Variants in PTPRT observed in about 807,000 individuals in gnomAD.
PTPRT encodes the protein protein tyrosine phosphatase receptor type T.
Under a neutral mutation model 176.8 loss-of-function variants are expected in PTPRT, and 56 were observed. The ratio of observed to expected loss-of-function variants is 0.32; its 90% CI spans 0.26 to 0.40. The LOEUF (loss-of-function observed/expected upper bound fraction) is 0.40, where lower values mean the gene tolerates loss of function less well. PTPRT is among the 10% of genes least tolerant of loss of function. The pLI is 1.00. For synonymous variants in PTPRT, 783 were observed against 739.0 expected, an observed-to-expected ratio of 1.06 and a Z score of -0.96; for missense variants, 1,540 against 1,908.2, an observed-to-expected ratio of 0.81 and a Z score of 3.60.
intron 2 of PTPRT, among the ~76,000 whole-genome samples, chr20:42,811,391 T>C (rs1235529179): frequency 6.6e-6 from 1 of 152,176 alleles, no homozygotes; most frequent in Non-Finnish European, 1.5e-5. Flanking sequence ...TTTAAGTTTT[T>C]TTTTAACACT....
At chr20:42,621,416 G>A (rs539046687) in intron 7 of PTPRT, among the ~76,000 whole-genome samples, 31 of 152,294 alleles carry the variant, frequency 2.0e-4, no homozygotes, top group African/African-American at 7.2e-4. Flanking sequence ...TTCATCAAAA[G>A]AGAAAAATAA....
At chr20:42,319,358 T>C (rs988454272) in intron 11 of PTPRT, among the ~76,000 whole-genome samples, 1 of 151,748 alleles carries the variant, frequency 6.6e-6, no homozygotes, top group African/African-American at 2.4e-5. Context: ...CATCCTAAAC[T>C]GCTTAGCTCT....
chr20:43,094,117 C>A (rs1206662809), intron 1 of PTPRT, among the ~76,000 whole-genome samples: 1 of 132,612 alleles, frequency 7.5e-6, no homozygotes, highest in East Asian at 2.2e-4. Context: ...TTGACGGAGT[C>A]TTGCCCTGTC....
intron 26 of PTPRT, 31 bp from the exon 27 acceptor site, chr20:42,098,583 T>C (rs1985533877): frequency 6.2e-7 from 1 of 1,613,108 alleles, no homozygotes; most frequent in Non-Finnish European, 8.5e-7. Flanking sequence ...GCTTCGTAAA[T>C]TACACATCCA....
chr20:43,151,015 G>A (rs2014331933), intron 1 of PTPRT, among the ~76,000 whole-genome samples: 3 of 152,038 alleles, frequency 2.0e-5, no homozygotes, highest in Admixed American at 6.6e-5. Context: ...GGTAAAAAAT[G>A]GCATAGACTG....
At chr20:42,787,231 T>C (rs1432074586) in intron 3 of PTPRT, among the ~76,000 whole-genome samples, 1 of 152,202 alleles carries the variant, frequency 6.6e-6, no homozygotes, top group African/African-American at 2.4e-5. Context: ...GAAGACTATA[T>C]AATTTATCAC....
At chr20:42,726,095 T>TATTATA (rs1412280762) in intron 6 of PTPRT, among the ~76,000 whole-genome samples, 2 of 142,378 alleles carry the variant, frequency 1.4e-5, no homozygotes, top group Non-Finnish European at 3.1e-5. Flanking sequence ...TTATTATTAT[T>TATTATA]ATAGACTGAG....
At chr20:42,414,765 T>G (rs923635391) in intron 9 of PTPRT, among the ~76,000 whole-genome samples, 3 of 152,202 alleles carry the variant, frequency 2.0e-5, no homozygotes, top group African/African-American at 7.2e-5. Flanking sequence ...AAAGATTTTA[T>G]GAAGTCAGAA....
At chr20:42,849,484 TTC>T (rs2078433365) in intron 2 of PTPRT, among the ~76,000 whole-genome samples, 1 of 152,318 alleles carries the variant, frequency 6.6e-6, no homozygotes, top group South Asian at 2.1e-4. Flanking sequence ...GTCCAGTGGT[TTC>T]TTTTTCCCAA....
At chr20:42,911,040 GA>G (rs1427366234) in intron 1 of PTPRT, among the ~76,000 whole-genome samples, 2 of 152,088 alleles carry the variant, frequency 1.3e-5, no homozygotes, top group African/African-American at 4.8e-5. Flanking sequence ...CAGCATGGGG[GA>G]AACTGCCCCC....
intron 1 of PTPRT, among the ~76,000 whole-genome samples, chr20:43,069,547 C>T (rs1030113560): frequency 2.0e-5 from 3 of 152,248 alleles, no homozygotes; most frequent in South Asian, 2.1e-4. Flanking sequence ...CCTGATCTAT[C>T]CTTTATAATA....
chr20:42,687,810 T>C (rs2075723964), intron 6 of PTPRT: 1 of 152,204 alleles, frequency 6.6e-6, no homozygotes, highest in South Asian at 2.1e-4. Flanking sequence ...ACCACGTCTG[T>C]ACACCCACAG....
At chr20:43,171,421 AG>A (rs1159688373) in intron 1 of PTPRT, among the ~76,000 whole-genome samples, 1 of 152,236 alleles carries the variant, frequency 6.6e-6, no homozygotes, top group African/African-American at 2.4e-5. Context: ...AAATTCCAGT[AG>A]AAAAAAGTCA....
the PTPRT span, among the ~76,000 whole-genome samples, chr20:42,035,780 TC>T: frequency 2.0e-5 from 3 of 152,204 alleles, no homozygotes; most frequent in African/African-American, 7.2e-5. Context: ...TAGACTGTGG[TC>T]ATTTCTGGCA....
chr20:42,507,395 G>A (rs1048735040), intron 7 of PTPRT, among the ~76,000 whole-genome samples: 1 of 151,956 alleles, frequency 6.6e-6, no homozygotes, highest in African/African-American at 2.4e-5. Context: ...ACACTCACAC[G>A]GATGCACCCA....
rs1202061733 is a variant in PTPRT at position 42,276,558 on chromosome 20, T to TA, written c.2176+5930dup. Reference sequence around the variant, plus strand: ...ATATATATATATATATATATATATATAATGTTCTTGAATACTTGGTAGAAA... The same window carrying TA: ...ATATATATATATATATATATATATATAAATGTTCTTGAATACTTGGTAGAAA... On this transcript the variant is annotated intron_variant, in intron 13 of 30. Coordinates refer to ENST00000373187, the MANE Select transcript of PTPRT (RefSeq NM_007050.6). Among the ~76,000 whole-genome samples the TA allele has an allele frequency of 6.1e-4, 56 of 91,310 alleles. 3 individuals carry two copies. The highest frequency in any genetic ancestry group is 1.2e-3 in the Non-Finnish European group (52 of 43,594). 59.9% of individuals were successfully genotyped at this position (91,310 alleles called of 152,430 possible).
chr20:42,980,386 G>A (rs1437564015), intron 1 of PTPRT, among the ~76,000 whole-genome samples: 1 of 152,196 alleles, frequency 6.6e-6, no homozygotes, highest in East Asian at 1.9e-4. Flanking sequence ...CGGGGAAATA[G>A]ATGAACTTGT....
intron 1 of PTPRT, among the ~76,000 whole-genome samples, chr20:42,922,797 G>A (rs12625584): frequency 2.6e-5 from 4 of 152,052 alleles, no homozygotes; most frequent in African/African-American, 7.2e-5. Context: ...TCACTCAAAC[G>A]CACTGTAGTC....
chr20:42,474,992 T>C (rs2071265208), intron 7 of PTPRT, among the ~76,000 whole-genome samples: 1 of 152,162 alleles, frequency 6.6e-6, no homozygotes. Context: ...TTAAGACCCA[T>C]TTAAACCCAA....
Sources: allele counts gnomAD v4.1 joint callset (sites outside exome capture counted in the v4.1 genomes callset), GRCh38; gene constraint gnomAD v4.1.1; transcripts MANE v1.5; gene names NCBI Gene and HGNC (gene_info 2026-07-23, HGNC 2026-07-21).